The following MEI1 variants were observed in gnomAD, a reference collection of about 807,000 sequenced individuals.
MEI1 encodes meiosis inhibitor protein 1.
MEI1 carries 103 observed loss-of-function variants against 146.2 expected under a neutral mutation model. The observed-to-expected ratio is 0.70, with a 90% CI of 0.60 to 0.83. MEI1 has a LOEUF of 0.83. MEI1 is among the 40% of genes least tolerant of loss of function. MEI1 has a pLI of 0.00. For synonymous variants in MEI1, 652 were observed against 628.2 expected, an observed-to-expected ratio of 1.04 and a Z score of -0.57; for missense variants, 1,529 against 1,533.0, an observed-to-expected ratio of 1.00 and a Z score of 0.04.
chr22:41,791,304 C>T lies in MEI1; in HGVS notation c.3346-2525C>T, dbSNP rs1180853847. On this transcript the variant is annotated intron_variant, in intron 26 of 30. Transcript: ENST00000401548. ...GAGTTCCAGACCAGCCTGGGCAACA[C>T]AGCACAACCCTATCTCTATAAAAAA... 5.3e-5 allele frequency among the ~76,000 whole-genome samples: 8 copies of T among 151,760 alleles called. No individual in the cohort carries two copies. In the East Asian group the frequency reaches 1.2e-3, roughly 22 times the overall value.
intron 7 of MEI1, among the ~76,000 whole-genome samples, chr22:41,725,427 T>A (rs1165046476): frequency 1.3e-5 from 2 of 152,178 alleles, no homozygotes; most frequent in Non-Finnish European, 2.9e-5. Flanking sequence ...TTCTTACCTC[T>A]GCACTTCCCC....
intron 20 of MEI1, among the ~76,000 whole-genome samples, chr22:41,773,212 A>G (rs1260965831): frequency 6.6e-6 from 1 of 152,108 alleles, no homozygotes; most frequent in African/African-American, 2.4e-5. Flanking sequence ...GGCAGAGAGG[A>G]GTCTTGTGTT....
intron 11 of MEI1, among the ~76,000 whole-genome samples, chr22:41,739,835 T>C (rs1197816048): frequency 6.6e-6 from 1 of 151,978 alleles, no homozygotes; most frequent in African/African-American, 2.4e-5. Context: ...AGAGTTAGAT[T>C]TGTGGAAGGA....
chr22:41,790,117 C>T (rs2076124331), intron 26 of MEI1, among the ~76,000 whole-genome samples: 1 of 152,164 alleles, frequency 6.6e-6, no homozygotes, highest in Admixed American at 6.5e-5. Flanking sequence ...GACTCTCATT[C>T]TGTTGTCCAG....
intron 11 of MEI1, among the ~76,000 whole-genome samples, chr22:41,742,051 G>C (rs909968608): frequency 1.3e-5 from 2 of 151,736 alleles, no homozygotes; most frequent in African/African-American, 2.4e-5. Context: ...CTTGAGGTCA[G>C]GAGTTTGAAA....
chr22:41,728,651 G>C (rs1340370595), intron 7 of MEI1, among the ~76,000 whole-genome samples: 1 of 152,052 alleles, frequency 6.6e-6, no homozygotes, highest in Non-Finnish European at 1.5e-5. Flanking sequence ...GATGGCTTAA[G>C]CTCAGGAATT....
chr22:41,732,275 G>A lies in MEI1; in HGVS notation c.1127G>A (p.Gly376Glu). The A allele has an allele frequency of 6.2e-7, 1 of 1,611,914 alleles. No individual in the cohort carries two copies. Among genetic ancestry groups the A allele is most frequent in the Non-Finnish European group, 8.5e-7 (1 of 1,179,134 alleles). Reference protein sequence around the residue: ...GIEAVVRSLQGSLKMNNIELH... With the variant: ...GIEAVVRSLQESLKMNNIELH... Reference sequence around the variant, plus strand: ...GAGGCAGTGGTGAGGAGCCTGCAGGGAAGCCTGAAGATGAACAACATAGAG... The same window carrying A: ...GAGGCAGTGGTGAGGAGCCTGCAGGAAAGCCTGAAGATGAACAACATAGAG... The change falls in exon 10 of 31, where the codon GGA becomes GAA. Residue 376 changes from glycine (G) to glutamate (E), a missense_variant. By Grantham distance (98) the Gly-to-Glu change is moderately conservative (BLOSUM62 -2). Transcript: ENST00000401548.
At chr22:41,743,721 T>A (rs2073067494) in intron 12 of MEI1, among the ~76,000 whole-genome samples, 1 of 152,210 alleles carries the variant, frequency 6.6e-6, no homozygotes, top group African/African-American at 2.4e-5. Context: ...TTACACCTGA[T>A]GGAGTGGGGA....
In MEI1 at chr22:41,758,377, T is replaced by C; in HGVS notation, c.1964T>C (p.Val655Ala). Residue 655 changes from valine to alanine, a missense_variant, in exon 18 of 31, where the codon GTG becomes GCG. This residue lies in a region of MEI1 where 1,212 missense variants were observed against 1,178.9 expected (regional missense o/e 1.03). Coordinates refer to ENST00000401548, the MANE Select transcript of MEI1 (RefSeq NM_152513.4). Reference sequence around the variant, plus strand: ...ATTCCCTCCCTAGAACTCTCTGCAGTGTCTGAGCTCCTGCAGCATGGGCTG... The same window carrying C: ...ATTCCCTCCCTAGAACTCTCTGCAGCGTCTGAGCTCCTGCAGCATGGGCTG... ...GPPSKEELSA[V>A]SELLQHGLPQ... is the part of the protein sequence containing the mutation. The C allele has an allele frequency of 6.2e-7, 1 of 1,613,204 alleles. No individual in the cohort carries two copies. The highest frequency in any genetic ancestry group is 8.5e-7 in the Non-Finnish European group (1 of 1,179,424).
At chr22:41,709,088 T>A in intron 3 of MEI1, 1 of 565,854 alleles carries the variant, frequency 1.8e-6, no homozygotes, top group Non-Finnish European at 3.2e-6. Flanking sequence ...CCCCAAAATA[T>A]AACAGTGAAG....
intron 1 of MEI1, among the ~76,000 whole-genome samples, chr22:41,700,042 C>G (rs1446625619): frequency 2.0e-5 from 3 of 152,264 alleles, no homozygotes; most frequent in Admixed American, 6.5e-5. Flanking sequence ...CTTTGCTGCC[C>G]CTGCCTCCAT....
intron 3 of MEI1, among the ~76,000 whole-genome samples, chr22:41,706,156 C>A (rs769967615): frequency 2.6e-5 from 4 of 152,112 alleles, no homozygotes; most frequent in Non-Finnish European, 5.9e-5. Context: ...GTATCTGGGA[C>A]TACAGGTGTG....
rs779566535 is a variant in MEI1 at position 41,795,113 on chromosome 22, C to G, written c.3535-298C>G. On this transcript the variant is annotated intron_variant, in intron 28 of 30. Transcript: ENST00000401548. The surrounding 1 kb of genome is among the most constrained non-coding windows in gnomAD (Gnocchi z 4.2). ...GGTACAAGAGCACATGGTGGTATGT[C>G]AGGGGAGCCACACGTAGTTCATTTT... Among the ~76,000 whole-genome samples the G allele has an allele frequency of 6.6e-6, 1 of 152,138 alleles. No individual in the cohort carries two copies. The highest frequency in any genetic ancestry group is 1.5e-5 in the Non-Finnish European group (1 of 68,028).
chr22:41,754,317 C>T (rs904525321), intron 17 of MEI1, among the ~76,000 whole-genome samples: 12 of 152,202 alleles, frequency 7.9e-5, no homozygotes, highest in Non-Finnish European at 1.6e-4. Context: ...CTGACAGTCT[C>T]CTCTGCAACA....
intron 16 of MEI1, chr22:41,753,659 A>C (rs1285407979): frequency 5.5e-5 from 12 of 216,576 alleles, no homozygotes; most frequent in Middle Eastern, 1.7e-3. Flanking sequence ...TTGTATTTTT[A>C]GTAGAGACAG....
intron 6 of MEI1, 126 bp downstream of exon 6, chr22:41,718,400 T>C (rs1046729076): frequency 1.2e-5 from 10 of 807,096 alleles, no homozygotes; most frequent in Non-Finnish European, 1.8e-5. Flanking sequence ...GCCACAAGGC[T>C]TGAGAGATAA....
chr22:41,717,956 G>T (rs1008234598), intron 5 of MEI1, 115 bp from the exon 6 acceptor site: 14 of 865,160 alleles, frequency 1.6e-5, no homozygotes, highest in Non-Finnish European at 2.4e-5. Flanking sequence ...AGCATTTTTT[G>T]TGGGGGATTA....
At position 41,795,256 on chromosome 22, in the gene MEI1, A is replaced by G. The variant is rs1440433539; in HGVS notation, c.3535-155A>G. Among the ~76,000 whole-genome samples the G allele has an allele frequency of 6.6e-6, 1 of 152,188 alleles. No individual in the cohort carries two copies. Among genetic ancestry groups the G allele is most frequent in the African/African-American group, 2.4e-5 (1 of 41,438 alleles). On this transcript the variant is annotated intron_variant, in intron 28 of 30. Coordinates refer to ENST00000401548, the MANE Select transcript of MEI1 (RefSeq NM_152513.4). This position sits in a 1 kb window ranked among gnomAD's most constrained non-coding sequence, Gnocchi z 4.2. Reference sequence around the variant, plus strand: ...TACTTACCCCACTTCCCCATGACACAGTCCCACCTCTGCCCACTAACTCTG... The same window carrying G: ...TACTTACCCCACTTCCCCATGACACGGTCCCACCTCTGCCCACTAACTCTG...
chr22:41,701,096 C>A (rs982535000), intron 1 of MEI1, among the ~76,000 whole-genome samples: 1 of 151,954 alleles, frequency 6.6e-6, no homozygotes, highest in Non-Finnish European at 1.5e-5. Flanking sequence ...TGCGTCACTA[C>A]GCCCAGCTAA....
Sources: allele counts gnomAD v4.1 joint callset (sites outside exome capture counted in the v4.1 genomes callset), GRCh38; gene constraint gnomAD v4.1.1; regional missense constraint gnomAD v4.1.1; non-coding constraint Gnocchi (gnomAD v3.1); transcripts MANE v1.5; gene names NCBI Gene and HGNC (gene_info 2026-07-23, HGNC 2026-07-21).